Variants in FRMD4A observed in about 807,000 individuals in gnomAD.
The protein encoded by FRMD4A is FERM domain-containing protein 4A.
A neutral mutation model predicts 129.1 loss-of-function variants in FRMD4A; 29 were observed. That is an observed-to-expected ratio of 0.22 (90% CI 0.17 to 0.31). FRMD4A has a LOEUF of 0.31. Among genes scored for constraint, FRMD4A ranks in the 10% least tolerant of loss-of-function variants. FRMD4A has a pLI of 1.00. For synonymous variants in FRMD4A, 634 were observed against 571.6 expected (o/e 1.11, Z -1.56); for missense variants, 1,272 against 1,375.8 (o/e 0.92, Z 1.19).
intron 3 of FRMD4A, among the ~76,000 whole-genome samples, chr10:13,841,099 C>A (rs1030720702): frequency 1.3e-5 from 2 of 152,068 alleles, no homozygotes; most frequent in Admixed American, 1.3e-4. Flanking sequence ...CAGAGTGAGA[C>A]CCCCATCTAA....
At chr10:14,054,996 T>A (rs947230358) in intron 2 of FRMD4A, among the ~76,000 whole-genome samples, 1 of 152,154 alleles carries the variant, frequency 6.6e-6, no homozygotes, top group Non-Finnish European at 1.5e-5. Flanking sequence ...CAGTCTCAGG[T>A]ATGTCCTTAT....
intron 2 of FRMD4A, among the ~76,000 whole-genome samples, chr10:14,328,760 C>T (rs1487565114): frequency 2.0e-5 from 3 of 151,952 alleles, no homozygotes; most frequent in African/African-American, 4.8e-5. Flanking sequence ...CAGCCATCAT[C>T]ACGAATACTC....
intron 2 of FRMD4A, among the ~76,000 whole-genome samples, chr10:14,007,682 C>A (rs115468307): frequency 3.9e-5 from 6 of 152,272 alleles, no homozygotes; most frequent in African/African-American, 7.2e-5. Flanking sequence ...AATTCACAGC[C>A]CTGCTGCTCT....
chr10:14,141,935 C>T (rs1480329754), intron 2 of FRMD4A, among the ~76,000 whole-genome samples: 1 of 152,018 alleles, frequency 6.6e-6, no homozygotes, highest in Non-Finnish European at 1.5e-5. Flanking sequence ...AGGTCGATAG[C>T]CTAAAAAATC....
At chr10:13,739,917 T>C (rs1408065662) in intron 11 of FRMD4A, among the ~76,000 whole-genome samples, 3 of 152,166 alleles carry the variant, frequency 2.0e-5, no homozygotes, top group Non-Finnish European at 4.4e-5. Context: ...CTGGCCAACA[T>C]GGCAAAACCT....
intron 8 of FRMD4A, among the ~76,000 whole-genome samples, chr10:13,757,434 C>A (rs1367616583): frequency 1.3e-5 from 2 of 152,208 alleles, no homozygotes; most frequent in Non-Finnish European, 2.9e-5. Flanking sequence ...AGAATATGAA[C>A]ATGTGTGGTC....
chr10:13,664,713 T>G (rs567069056), intron 18 of FRMD4A, among the ~76,000 whole-genome samples: 4 of 152,212 alleles, frequency 2.6e-5, no homozygotes, highest in Admixed American at 2.6e-4. Context: ...CATTTTTTTT[T>G]TTTTCAGAGA....
intron 2 of FRMD4A, among the ~76,000 whole-genome samples, chr10:14,202,776 A>C (rs1229321848): frequency 6.6e-6 from 1 of 151,764 alleles, no homozygotes; most frequent in Non-Finnish European, 1.5e-5. Context: ...TGGCTGCTGA[A>C]CATTTTATTT....
intron 6 of FRMD4A, among the ~76,000 whole-genome samples, chr10:13,778,279 GTAT>G (rs2092649492): frequency 1.3e-5 from 2 of 152,104 alleles, no homozygotes; most frequent in African/African-American, 4.8e-5. Context: ...TGTAAGTTCA[GTAT>G]TATTATTTCC....
At chr10:13,737,291 T>C (rs1050770446) in intron 12 of FRMD4A, among the ~76,000 whole-genome samples, 6 of 152,308 alleles carry the variant, frequency 3.9e-5, no homozygotes, top group Admixed American at 6.5e-5. Context: ...GGTTCTACCA[T>C]GTTGGCCAGG....
chr10:13,983,961 C>CT (rs1489798513), intron 2 of FRMD4A, among the ~76,000 whole-genome samples: 2 of 151,834 alleles, frequency 1.3e-5, no homozygotes. Context: ...CGAGACTGCG[C>CT]CACTGTACTC....
At chr10:14,043,474 C>T (rs1565207302) in intron 2 of FRMD4A, among the ~76,000 whole-genome samples, 1 of 152,198 alleles carries the variant, frequency 6.6e-6, no homozygotes, top group Non-Finnish European at 1.5e-5. Flanking sequence ...TCTCCCATTT[C>T]ATCTCCTCTA....
At chr10:14,060,526 C>A (rs1487639529) in intron 2 of FRMD4A, among the ~76,000 whole-genome samples, 1 of 152,096 alleles carries the variant, frequency 6.6e-6, no homozygotes, top group Admixed American at 6.6e-5. Flanking sequence ...CGAAGCCTGC[C>A]CTCTTCAGTA....
At chr10:14,164,465 C>T (rs1182689701) in intron 2 of FRMD4A, among the ~76,000 whole-genome samples, 1 of 152,220 alleles carries the variant, frequency 6.6e-6, no homozygotes, top group Admixed American at 6.5e-5. Context: ...AGGTATCAAG[C>T]TGTCTCAGGA....
chr10:14,245,697 G>A (rs1844209984), intron 2 of FRMD4A, among the ~76,000 whole-genome samples: 1 of 152,188 alleles, frequency 6.6e-6, no homozygotes, highest in Non-Finnish European at 1.5e-5. Flanking sequence ...GCAAGACCAT[G>A]TGAAGACCCA....
At chr10:14,108,122 C>A (rs1837681335) in intron 2 of FRMD4A, among the ~76,000 whole-genome samples, 1 of 152,158 alleles carries the variant, frequency 6.6e-6, no homozygotes, top group Non-Finnish European at 1.5e-5. Context: ...CATTGCCAAC[C>A]TGTGGGCTTT....
At chr10:13,727,568 G>T (rs966693172) in intron 12 of FRMD4A, among the ~76,000 whole-genome samples, 4 of 152,142 alleles carry the variant, frequency 2.6e-5, no homozygotes, top group African/African-American at 9.7e-5. Context: ...TCTCTGCCTG[G>T]TTCTGCTTCC....
intron 2 of FRMD4A, among the ~76,000 whole-genome samples, chr10:14,123,413 C>T (rs1349884877): frequency 6.6e-6 from 1 of 152,172 alleles, no homozygotes; most frequent in Non-Finnish European, 1.5e-5. Flanking sequence ...ATTTCTCTTG[C>T]CAGCTGGGCA....
At chr10:13,984,268 T>C (rs1037163701) in intron 2 of FRMD4A, among the ~76,000 whole-genome samples, 15 of 152,176 alleles carry the variant, frequency 9.9e-5, no homozygotes, top group African/African-American at 3.6e-4. Context: ...AGTTTCCCCT[T>C]GTGGCCAGGT....
Sources: gnomAD v4.1 joint callset for allele counts (sites outside exome capture counted in the v4.1 genomes callset) on GRCh38, gnomAD v4.1.1 for gene constraint, MANE v1.5 for transcripts, NCBI Gene and HGNC (gene_info 2026-07-23, HGNC 2026-07-21) for gene names.